Variants in SLIT3 observed in about 807,000 individuals in gnomAD.
SLIT3 encodes slit guidance ligand 3.
In SLIT3, 68 loss-of-function variants were observed where a neutral mutation model predicts 184.0. The observed-to-expected ratio is 0.37, with a 90% confidence interval of 0.30 to 0.45. SLIT3 has a LOEUF of 0.45. Among genes scored for constraint, SLIT3 ranks in the 20% least tolerant of loss-of-function variants. The pLI is 1.00. For missense variants in SLIT3, 1,707 were observed against 2,026.0 expected, an observed-to-expected ratio of 0.84 and a Z score of 3.02; for synonymous variants, 831 against 828.6, an observed-to-expected ratio of 1.00 and a Z score of -0.05.
At chr5:169,282,235 C>T (rs987512042) in intron 1 of SLIT3, among the ~76,000 whole-genome samples, 2 of 152,156 alleles carry the variant, frequency 1.3e-5, no homozygotes, top group Non-Finnish European at 2.9e-5. Context: ...AGCCTCTTCT[C>T]GTCATTGTCT....
chr5:168,987,870 G>C (rs79431962), intron 4 of SLIT3, among the ~76,000 whole-genome samples: 1,827 of 152,326 alleles, frequency 0.012, 32 homozygotes, highest in African/African-American at 0.041. Context: ...TAGGTGGGGG[G>C]ACTGAATATC....
intron 4 of SLIT3, among the ~76,000 whole-genome samples, chr5:168,947,707 G>A (rs568536757): frequency 1.3e-5 from 2 of 152,216 alleles, no homozygotes; most frequent in South Asian, 4.1e-4. Context: ...AGGGCCTGAG[G>A]CTGGATGCAG....
At chr5:169,085,825 C>T (rs760831140) in intron 4 of SLIT3, among the ~76,000 whole-genome samples, 6 of 152,116 alleles carry the variant, frequency 3.9e-5, no homozygotes, top group Non-Finnish European at 7.4e-5. Flanking sequence ...GGGTGGATCT[C>T]GTGCAAACCA....
intron 4 of SLIT3, among the ~76,000 whole-genome samples, chr5:169,025,594 A>G (rs74387815): frequency 0.018 from 2,724 of 152,270 alleles, 32 homozygotes; most frequent in Non-Finnish European, 0.026. Context: ...CATATAGAAA[A>G]CTTGGATCTC....
At chr5:168,826,678 T>G (rs78590689) in intron 6 of SLIT3, among the ~76,000 whole-genome samples, 1 of 152,146 alleles carries the variant, frequency 6.6e-6, no homozygotes, top group Admixed American at 6.5e-5. Context: ...GGCAATTAGA[T>G]GAGATGTTAC....
intron 12 of SLIT3, among the ~76,000 whole-genome samples, chr5:168,781,598 G>C (rs1198692365): frequency 2.0e-5 from 3 of 152,110 alleles, no homozygotes; most frequent in Non-Finnish European, 4.4e-5. Context: ...CTCTCATAGA[G>C]CAAACATTAG....
chr5:169,059,129 G>T (rs896924344), intron 4 of SLIT3, among the ~76,000 whole-genome samples: 27 of 152,242 alleles, frequency 1.8e-4, no homozygotes, highest in African/African-American at 6.5e-4. Context: ...CCAGCTCTAG[G>T]CATCCTTTGA....
At chr5:168,716,060 T>A (rs528770801) in intron 23 of SLIT3, among the ~76,000 whole-genome samples, 2 of 148,002 alleles carry the variant, frequency 1.4e-5, no homozygotes, top group Admixed American at 6.7e-5. Context: ...CTCGACCTCC[T>A]GGGTTCAAGC....
At chr5:168,916,477 G>A (rs898619001) in intron 4 of SLIT3, among the ~76,000 whole-genome samples, 2 of 152,218 alleles carry the variant, frequency 1.3e-5, no homozygotes, top group South Asian at 2.1e-4. Context: ...CCCTGCAGGC[G>A]CCAAGCACGT....
At chr5:168,831,230 C>T (rs1219199024) in intron 6 of SLIT3, among the ~76,000 whole-genome samples, 1 of 148,842 alleles carries the variant, frequency 6.7e-6, no homozygotes, top group Non-Finnish European at 1.5e-5. Flanking sequence ...TTAAGCAAAG[C>T]TTCTCTTTTG....
At chr5:168,885,223 G>A (rs750667655) in intron 4 of SLIT3, among the ~76,000 whole-genome samples, 6 of 152,126 alleles carry the variant, frequency 3.9e-5, no homozygotes, top group Non-Finnish European at 8.8e-5. Context: ...GTAGAGTGCC[G>A]GTGTGAGTAC....
intron 3 of SLIT3, among the ~76,000 whole-genome samples, chr5:169,209,311 A>G (rs1367153399): frequency 2.0e-5 from 3 of 152,162 alleles, no homozygotes; most frequent in African/African-American, 7.2e-5. Flanking sequence ...CATAGATGCT[A>G]AAAAGGATAT....
At chr5:169,176,114 G>A (rs1762976212) in intron 4 of SLIT3, among the ~76,000 whole-genome samples, 1 of 152,160 alleles carries the variant, frequency 6.6e-6, no homozygotes, top group African/African-American at 2.4e-5. Flanking sequence ...CACAGTGAGT[G>A]CAGATTGAAG....
intron 2 of SLIT3, among the ~76,000 whole-genome samples, chr5:169,249,081 T>G (rs891929783): frequency 6.6e-6 from 1 of 152,176 alleles, no homozygotes; most frequent in African/African-American, 2.4e-5. Context: ...AAAAAAATCT[T>G]TTTAAAAAAG....
At position 168,769,318 on chromosome 5, in the gene SLIT3, T is replaced by C. The variant is rs1347217931; in HGVS notation, c.1459+3463A>G. The stretch of plus-strand genomic sequence containing the variant: ...CCCACTTGGCATTAGGCTGGAGATG[T>C]GCATCTTGAAGAAACTGGAGCTAAG... On this transcript the variant is annotated intron_variant, in intron 14 of 35. Coordinates refer to ENST00000519560, the MANE Select transcript of SLIT3 (RefSeq NM_003062.4). Among the ~76,000 whole-genome samples the C allele has an allele frequency of 3.9e-5, 6 of 152,324 alleles. No homozygotes were observed. In the East Asian group the frequency reaches 1.2e-3, roughly 29 times the overall value.
At chr5:168,961,653 A>T (rs1232466180) in intron 4 of SLIT3, among the ~76,000 whole-genome samples, 1 of 152,188 alleles carries the variant, frequency 6.6e-6, no homozygotes, top group Non-Finnish European at 1.5e-5. Flanking sequence ...CAGAGAGAAT[A>T]GTATGTGCAA....
chr5:169,132,581 T>C (rs766812821), intron 4 of SLIT3, among the ~76,000 whole-genome samples: 4 of 152,144 alleles, frequency 2.6e-5, no homozygotes, highest in Non-Finnish European at 5.9e-5. Context: ...AGATCTGAAA[T>C]AGCAAAACAT....
At chr5:169,244,125 G>C (rs1765499754) in intron 3 of SLIT3, among the ~76,000 whole-genome samples, 1 of 152,240 alleles carries the variant, frequency 6.6e-6, no homozygotes, top group Non-Finnish European at 1.5e-5. Flanking sequence ...AGTCAGAACA[G>C]TGGCCTATTT....
intron 5 of SLIT3, among the ~76,000 whole-genome samples, chr5:168,861,323 A>C (rs1417810401): frequency 6.6e-6 from 1 of 150,940 alleles, no homozygotes; most frequent in Non-Finnish European, 1.5e-5. Flanking sequence ...CGTATTTCTT[A>C]AAGCCCTCTC....
Sources: gnomAD v4.1 joint callset for allele counts (sites outside exome capture counted in the v4.1 genomes callset) on GRCh38, gnomAD v4.1.1 for gene constraint, MANE v1.5 for transcripts, NCBI Gene and HGNC (gene_info 2026-07-23, HGNC 2026-07-21) for gene names.